The following CHRM3 variants were observed in gnomAD, a reference collection of about 807,000 sequenced individuals.
CHRM3 encodes muscarinic acetylcholine receptor M3.
CHRM3 carries 11 observed loss-of-function variants against 41.8 expected under a neutral mutation model. The ratio of observed to expected loss-of-function variants is 0.26; its 90% confidence interval spans 0.17 to 0.44. The LOEUF (loss-of-function observed/expected upper bound fraction) is 0.44, where lower values mean the gene tolerates loss of function less well. Among genes scored for constraint, CHRM3 ranks in the 20% least tolerant of loss-of-function variants. The pLI is 1.00. For synonymous variants in CHRM3, 297 were observed against 301.4 expected (o/e 0.99, Z 0.15); for missense variants, 571 against 745.4 (o/e 0.77, Z 2.72).
chr1:239,808,777 T>A (rs539142166), intron 5 of CHRM3, among the ~76,000 whole-genome samples: 2 of 152,316 alleles, frequency 1.3e-5, no homozygotes, highest in South Asian at 4.1e-4. Flanking sequence ...ATACACTGTT[T>A]GTGAGAATTA....
chr1:239,722,961 C>T (rs1260218242), intron 5 of CHRM3, among the ~76,000 whole-genome samples: 2 of 151,848 alleles, frequency 1.3e-5, no homozygotes, highest in Non-Finnish European at 1.5e-5. Flanking sequence ...TGTACTAATT[C>T]GTTTTCCTCA....
chr1:239,671,171 A>G (rs531268427), intron 4 of CHRM3, among the ~76,000 whole-genome samples: 4 of 152,256 alleles, frequency 2.6e-5, no homozygotes, highest in Non-Finnish European at 5.9e-5. Context: ...CATCTTTTTC[A>G]TAGGATTACT....
intron 3 of CHRM3, among the ~76,000 whole-genome samples, chr1:239,620,214 G>A (rs540808459): frequency 6.6e-6 from 1 of 152,176 alleles, no homozygotes; most frequent in African/African-American, 2.4e-5. Flanking sequence ...ATATGACAGA[G>A]TCTTTTAAAA....
intron 6 of CHRM3, among the ~76,000 whole-genome samples, chr1:239,889,481 C>T (rs74460338): frequency 0.017 from 2,569 of 152,226 alleles, 69 homozygotes; most frequent in African/African-American, 0.058. Flanking sequence ...CAGCTGCCGG[C>T]GTTCCCCTGT....
At chr1:239,759,453 T>TTTGGCCAAATAAATC (rs1230471890) in intron 5 of CHRM3, among the ~76,000 whole-genome samples, 11 of 152,074 alleles carry the variant, frequency 7.2e-5, no homozygotes, top group African/African-American at 2.2e-4. Flanking sequence ...TCACAGCCTT[T>TTTGGCCAAATAAATC]TTGGCCAAAT....
chr1:239,799,333 T>A (rs542537653), intron 5 of CHRM3, among the ~76,000 whole-genome samples: 1 of 152,136 alleles, frequency 6.6e-6, no homozygotes, highest in Non-Finnish European at 1.5e-5. Context: ...TGGAAAATGT[T>A]CATGATGATG....
In CHRM3 at chr1:239,912,996, T is replaced by A. The variant is rs766562071; in HGVS notation, c.*3772T>A. The A allele has an allele frequency of 3.0e-5, 5 of 167,202 alleles. No individual in the cohort carries two copies. The highest frequency in any genetic ancestry group is 7.3e-5 in the Non-Finnish European group (5 of 68,110). 10.4% of individuals were successfully genotyped at this position (167,202 alleles called of 1,614,324 possible). Reference sequence around the variant, plus strand: ...CTAAGCAACAACACCGAAGCTTCTCTAATTTGCCTTCTGATGCCAAATCGG... The same window carrying A: ...CTAAGCAACAACACCGAAGCTTCTCAAATTTGCCTTCTGATGCCAAATCGG... On this transcript the variant is annotated 3_prime_UTR_variant, in exon 7 of 7. Transcript: ENST00000676153.
chr1:239,573,482 T>A (rs1306092465), intron 3 of CHRM3, among the ~76,000 whole-genome samples: 1 of 152,136 alleles, frequency 6.6e-6, no homozygotes, highest in Non-Finnish European at 1.5e-5. Context: ...TCCAAACCAG[T>A]TACTAAAGTC....
Position 239,610,817 on chromosome 1 carries a change from G to A in CHRM3, c.-312-21407G>A, listed in dbSNP as rs376688715. Among the ~76,000 whole-genome samples the A allele has an allele frequency of 7.2e-5, 11 of 152,272 alleles. No individual in the cohort carries two copies. In the East Asian group the frequency reaches 9.7e-4, roughly 13 times the overall value. On this transcript the variant is annotated intron_variant, in intron 3 of 6. Coordinates refer to ENST00000676153, the MANE Select transcript of CHRM3 (RefSeq NM_001375978.1). The stretch of plus-strand genomic sequence containing the variant: ...GCCTGTAATCCCAGCACTTTGGGAG[G>A]CTGAGGGGGGCGGATCATGAGGTCA...
rs529480138 is a variant in CHRM3, at chr1:239,813,676, G to T, written c.-146-13576G>T. Among the ~76,000 whole-genome samples the T allele has an allele frequency of 2.7e-5, 4 of 150,204 alleles. No homozygotes were observed. The South Asian group carries it at 8.5e-4, about 32-fold the overall frequency. On this transcript the variant is annotated intron_variant, in intron 5 of 6. Transcript: ENST00000676153. Reference sequence around the variant, plus strand: ...CTCACGCCTGTAATCCCAGCACTTTGGGAGGCCGAGGCGGGCGGATCACGA... The same window carrying T: ...CTCACGCCTGTAATCCCAGCACTTTTGGAGGCCGAGGCGGGCGGATCACGA...
intron 5 of CHRM3, among the ~76,000 whole-genome samples, chr1:239,755,022 T>C (rs557198131): frequency 3.2e-4 from 49 of 152,338 alleles, no homozygotes; most frequent in African/African-American, 1.1e-3. Flanking sequence ...ACTTTCCTGT[T>C]TCATCAAAGC....
intron 3 of CHRM3, among the ~76,000 whole-genome samples, chr1:239,622,402 T>C (rs1042927138): frequency 2.6e-5 from 4 of 152,184 alleles, no homozygotes; most frequent in East Asian, 1.9e-4. Flanking sequence ...GCAATGTCAA[T>C]TGAAAACCTT....
chr1:239,406,526 A>C (rs1014813047), intron 1 of CHRM3, among the ~76,000 whole-genome samples: 46 of 152,210 alleles, frequency 3.0e-4, no homozygotes, highest in African/African-American at 1.1e-3. Flanking sequence ...TAACATCACC[A>C]TTAACATCGC....
At chr1:239,423,604 G>A (rs1466484687) in intron 1 of CHRM3, among the ~76,000 whole-genome samples, 1 of 152,088 alleles carries the variant, frequency 6.6e-6, no homozygotes, top group Non-Finnish European at 1.5e-5. Flanking sequence ...GCAAAACCAT[G>A]TTACTAAAAT....
At chr1:239,578,962 A>G (rs766305313) in intron 3 of CHRM3, among the ~76,000 whole-genome samples, 2 of 152,170 alleles carry the variant, frequency 1.3e-5, no homozygotes, top group Non-Finnish European at 2.9e-5. Flanking sequence ...TTCACTTTCT[A>G]TTAAGTAGAT....
At chr1:239,897,782 G>C (rs1182096262) in intron 6 of CHRM3, among the ~76,000 whole-genome samples, 2 of 152,292 alleles carry the variant, frequency 1.3e-5, no homozygotes, top group South Asian at 4.1e-4. Flanking sequence ...AAAGGTTTTA[G>C]ACTTGCGAGT....
At chr1:239,657,472 G>A (rs191435653) in intron 4 of CHRM3, among the ~76,000 whole-genome samples, 1 of 152,162 alleles carries the variant, frequency 6.6e-6, no homozygotes, top group Non-Finnish European at 1.5e-5. Flanking sequence ...CCCCTGCAGA[G>A]CCTGGCATTA....
At chr1:239,889,644 C>T (rs1678381798) in intron 6 of CHRM3, among the ~76,000 whole-genome samples, 1 of 152,154 alleles carries the variant, frequency 6.6e-6, no homozygotes, top group African/African-American at 2.4e-5. Context: ...TTCTTTCTAC[C>T]TCCTGTATCA....
chr1:239,877,668 A>G (rs1677219120), intron 6 of CHRM3, among the ~76,000 whole-genome samples: 1 of 152,154 alleles, frequency 6.6e-6, no homozygotes. Flanking sequence ...TCTGTGAAAG[A>G]ATTCAAACCC....
Sources: gnomAD v4.1 joint callset for allele counts (sites outside exome capture counted in the v4.1 genomes callset) on GRCh38, gnomAD v4.1.1 for gene constraint, MANE v1.5 for transcripts, NCBI Gene and HGNC (gene_info 2026-07-23, HGNC 2026-07-21) for gene names.